TECPR2: variants seen among roughly 807,000 people sequenced by gnomAD.
TECPR2 encodes tectonin beta-propeller repeat containing 2.
Under a neutral mutation model 138.1 loss-of-function variants are expected in TECPR2, and 65 were observed. The ratio of observed to expected loss-of-function variants is 0.47; its 90% CI spans 0.39 to 0.58. TECPR2 has a LOEUF of 0.58. TECPR2 is among the 20% of genes least tolerant of loss of function. TECPR2 has a pLI of 0.00. For missense variants in TECPR2, 1,553 were observed against 1,824.5 expected, an observed-to-expected ratio of 0.85 and a Z score of 2.71; for synonymous variants, 746 against 749.8, an observed-to-expected ratio of 0.99 and a Z score of 0.08.
chr14:102,455,823 G>A (rs955624142), intron 16 of TECPR2, among the ~76,000 whole-genome samples: 1 of 152,200 alleles, frequency 6.6e-6, no homozygotes, highest in African/African-American at 2.4e-5. Flanking sequence ...ATGTTGGCCA[G>A]TCTGGTCCTG....
intron 17 of TECPR2, among the ~76,000 whole-genome samples, chr14:102,468,915 G>C (rs1164245999): frequency 2.0e-5 from 3 of 152,188 alleles, no homozygotes; most frequent in Non-Finnish European, 2.9e-5. Context: ...TCAATTGATT[G>C]TAAATATAAA....
At position 102,476,648 on chromosome 14, in the gene TECPR2, G is replaced by A. The variant is rs548890010; in HGVS notation, c.3789+11359G>A. ...AATCCAAGTCTTAAGAGGGAAGAAGGGTGACAGGAAAAAAAGATGTGAAGA... is the reference window on the plus strand; with the variant it reads ...AATCCAAGTCTTAAGAGGGAAGAAGAGTGACAGGAAAAAAAGATGTGAAGA... On this transcript the variant is annotated intron_variant, in intron 17 of 19. Coordinates refer to ENST00000359520, the MANE Select transcript of TECPR2 (RefSeq NM_014844.5). 1.2e-4 allele frequency among the ~76,000 whole-genome samples: 18 copies of A among 152,162 alleles called. No individual in the cohort carries two copies. The South Asian group carries it at 1.2e-3, about 11-fold the overall frequency.
chr14:102,436,638 A>T (rs990208207), intron 9 of TECPR2, among the ~76,000 whole-genome samples: 1 of 152,144 alleles, frequency 6.6e-6, no homozygotes, highest in African/African-American at 2.4e-5. Flanking sequence ...CCTTTTATTC[A>T]GTCATCCGGC....
Position 102,414,641 on chromosome 14 carries a change from C to G in TECPR2, c.486C>G (p.Leu162=), listed in dbSNP as rs2139702828. The G allele has an allele frequency of 2.5e-6, 4 of 1,614,172 alleles. No homozygotes were observed. The highest frequency in any genetic ancestry group is 2.2e-5 in the South Asian group (2 of 91,078). ...AACCAGACTTTCTCTGCCAGGGGCT[C>G]TGTAACTCCCAGCTGGTGTTGGAGG... The part of the protein sequence containing the change: ...VYSSLDLDQG[L]CNSQLVLEEP... Residue 162 remains leucine (L), a synonymous_variant, in exon 5 of 20, where the codon CTC becomes CTG. Coordinates refer to ENST00000359520, the MANE Select transcript of TECPR2 (RefSeq NM_014844.5).
intron 9 of TECPR2, among the ~76,000 whole-genome samples, 200 bp from the exon 10 acceptor site, chr14:102,437,822 C>G (rs1486882303): frequency 1.3e-5 from 2 of 152,258 alleles, no homozygotes; most frequent in South Asian, 4.2e-4. Flanking sequence ...TGTAGGGAGA[C>G]AGCAGCACGC....
intron 1 of TECPR2, among the ~76,000 whole-genome samples, chr14:102,367,241 T>TG (rs942078411): frequency 6.6e-6 from 1 of 152,166 alleles, no homozygotes. Flanking sequence ...CTTTGTTTTT[T>TG]GGGGGGTAAC....
intron 11 of TECPR2, among the ~76,000 whole-genome samples, chr14:102,442,979 G>A (rs780475178): frequency 2.0e-5 from 3 of 152,240 alleles, no homozygotes; most frequent in Non-Finnish European, 2.9e-5. Context: ...CCACTGCCTT[G>A]CAGTTTGACA....
At chr14:102,427,459 A>G (rs910265927) in intron 6 of TECPR2, among the ~76,000 whole-genome samples, 1 of 152,178 alleles carries the variant, frequency 6.6e-6, no homozygotes, top group Non-Finnish European at 1.5e-5. Flanking sequence ...AACAAATGTT[A>G]TGTTTGCAGC....
At chr14:102,476,315 TA>T (rs975325946) in intron 17 of TECPR2, among the ~76,000 whole-genome samples, 1 of 149,532 alleles carries the variant, frequency 6.7e-6, no homozygotes, top group African/African-American at 2.5e-5. Context: ...GAGAATTGCT[TA>T]AGCTCGGGAG....
At chr14:102,417,904 C>G (rs1409686104) in intron 5 of TECPR2, among the ~76,000 whole-genome samples, 1 of 143,312 alleles carries the variant, frequency 7.0e-6, no homozygotes, top group African/African-American at 2.7e-5. Context: ...AGGGGAGCCA[C>G]GGGGAGGCTG....
intron 2 of TECPR2, among the ~76,000 whole-genome samples, chr14:102,398,586 A>G (rs1888382490): frequency 6.6e-6 from 1 of 152,096 alleles, no homozygotes; most frequent in Non-Finnish European, 1.5e-5. Context: ...TTTGGGCTGG[A>G]TTCAGTGGCT....
Position 102,368,041 on chromosome 14 carries a change from T to C in TECPR2, c.-73+4925T>C, listed in dbSNP as rs556625279. Among the ~76,000 whole-genome samples the C allele has an allele frequency of 1.1e-4, 15 of 135,722 alleles. No homozygotes were observed. The South Asian group carries it at 2.6e-3, about 24-fold the overall frequency. 89.0% of individuals were successfully genotyped at this position (135,722 alleles called of 152,430 possible). On this transcript the variant is annotated intron_variant, in intron 1 of 19. Coordinates refer to ENST00000359520, the MANE Select transcript of TECPR2 (RefSeq NM_014844.5). ...TTTTTTTTTGGAAATAAAGTCTCGC[T>C]CTGTTGCCCAGGCTGGAGTGCAGTG...
chr14:102,457,841 C>A (rs1890310667), intron 16 of TECPR2, among the ~76,000 whole-genome samples: 1 of 149,212 alleles, frequency 6.7e-6, no homozygotes, highest in African/African-American at 2.5e-5. Context: ...TTCTTCCTAA[C>A]TTCGCTCCTC....
intron 15 of TECPR2, among the ~76,000 whole-genome samples, chr14:102,450,952 A>G (rs1207783966): frequency 6.6e-6 from 1 of 152,224 alleles, no homozygotes; most frequent in African/African-American, 2.4e-5. Context: ...CCAGTGGCAC[A>G]TGGCAGGGGC....
rs781094413 is a variant in TECPR2 at position 102,425,210 on chromosome 14, G to A, written c.870G>A (p.Gly290=). ...GCAGCTTACCTGAGAGGCACCTGGGGCTTGTTTCATGTTTCTTTCAAGAAG... is the reference window on the plus strand; with the variant it reads ...GCAGCTTACCTGAGAGGCACCTGGGACTTGTTTCATGTTTCTTTCAAGAAG... The part of the protein sequence containing the change: ...GSCSLPERHL[G]LVSCFFQEGW... Residue 290 remains glycine, a synonymous_variant, in exon 6 of 20, where the codon GGG becomes GGA. Coordinates refer to ENST00000359520, the MANE Select transcript of TECPR2 (RefSeq NM_014844.5). The A allele has an allele frequency of 6.2e-7, 1 of 1,614,050 alleles. No homozygotes were observed. The highest frequency in any genetic ancestry group is 8.5e-7 in the Non-Finnish European group (1 of 1,179,940).
chr14:102,431,685 A>T, intron 7 of TECPR2, 111 bp from the exon 8 acceptor site: 1 of 1,099,484 alleles, frequency 9.1e-7, no homozygotes. Context: ...TCAGTTCTTT[A>T]GCTGGCTGGT....
At chr14:102,407,196 C>G in intron 2 of TECPR2, 142 bp from the exon 3 acceptor site, 1 of 1,114,348 alleles carries the variant, frequency 9.0e-7, no homozygotes, top group Non-Finnish European at 1.2e-6. Context: ...GATGTAATTT[C>G]TGACTTGTAT....
intron 4 of TECPR2, 73 bp from the exon 5 acceptor site, chr14:102,414,563 C>G: frequency 8.3e-6 from 13 of 1,557,036 alleles, no homozygotes; most frequent in Non-Finnish European, 1.1e-5. Context: ...GGGAAGGACA[C>G]TGACTTGTCC....
chr14:102,389,449 C>T (rs1888106738), intron 2 of TECPR2, among the ~76,000 whole-genome samples: 1 of 152,140 alleles, frequency 6.6e-6, no homozygotes, highest in South Asian at 2.1e-4. Context: ...GGTAACAAAA[C>T]TTATAGAGCT....
Sources: allele counts gnomAD v4.1 joint callset (sites outside exome capture counted in the v4.1 genomes callset), GRCh38; gene constraint gnomAD v4.1.1; transcripts MANE v1.5; gene names NCBI Gene and HGNC (gene_info 2026-07-23, HGNC 2026-07-21).